Variants in IFNAR2 observed in about 807,000 individuals in gnomAD.
IFNAR2 encodes interferon alpha/beta receptor 2.
A neutral mutation model predicts 49.4 loss-of-function variants in IFNAR2; 30 were observed. The observed-to-expected ratio is 0.61, with a 90% confidence interval of 0.45 to 0.82. The LOEUF (loss-of-function observed/expected upper bound fraction) is 0.82. IFNAR2 is among the 40% of genes least tolerant of loss of function. The pLI is 0.00. For synonymous variants in IFNAR2, 224 were observed against 234.5 expected, an observed-to-expected ratio of 0.96 and a Z score of 0.41; for missense variants, 600 against 622.7, an observed-to-expected ratio of 0.96 and a Z score of 0.39.
intron 7 of IFNAR2, among the ~76,000 whole-genome samples, chr21:33,253,682 G>A (rs1258467180): frequency 6.6e-6 from 1 of 152,196 alleles, no homozygotes; most frequent in Non-Finnish European, 1.5e-5. Flanking sequence ...AGGGCTGCTG[G>A]TTGCCCATTT....
intron 8 of IFNAR2, among the ~76,000 whole-genome samples, chr21:33,261,745 A>G (rs1055831215): frequency 6.6e-6 from 1 of 152,224 alleles, no homozygotes; most frequent in South Asian, 2.1e-4. Flanking sequence ...GCATGCTGGC[A>G]CATGCCTGTG....
intron 2 of IFNAR2, among the ~76,000 whole-genome samples, chr21:33,242,886 T>C (rs1444136352): frequency 6.7e-6 from 1 of 149,270 alleles, no homozygotes; most frequent in Non-Finnish European, 1.5e-5. Flanking sequence ...CCTCCTGGGT[T>C]CAAGCGATTC....
In IFNAR2 at chr21:33,263,402, C is replaced by T. The variant is rs758207930; in HGVS notation, c.1450C>T (p.Pro484Ser). 8.7e-6 allele frequency: 14 copies of T among 1,613,980 alleles called. No individual in the cohort carries two copies. The Admixed American group carries it at 1.8e-4, about 21-fold the overall frequency. ...GEGTQPTFPS[P>S]SSEGLWSEDA... ...AGGGACACAGCCAACCTTTCCCAGC[C>T]CCTCTTCAGAGGGCCTGTGGTCCGA... The change falls in exon 9 of 9, where the codon CCC becomes TCC. Residue 484 changes from proline (P) to serine (S), a missense_variant. Transcript: ENST00000342136.
chr21:33,255,496 A>G (rs1988149417), intron 7 of IFNAR2, among the ~76,000 whole-genome samples: 1 of 152,236 alleles, frequency 6.6e-6, no homozygotes, highest in Admixed American at 6.5e-5. Context: ...GCTTATGATT[A>G]CCATTTTATT....
chr21:33,262,172 C>T (rs1172813256), intron 8 of IFNAR2, among the ~76,000 whole-genome samples: 1 of 152,070 alleles, frequency 6.6e-6, no homozygotes, highest in Non-Finnish European at 1.5e-5. Context: ...CAAGACCAGC[C>T]TGGCCAACAT....
rs745553126 is a variant in IFNAR2 at position 33,262,766 on chromosome 21, C to G, written c.841-27C>G. On this transcript the variant is annotated intron_variant, in intron 8 of 8. Coordinates refer to ENST00000342136, the MANE Select transcript of IFNAR2 (RefSeq NM_001289125.3). The stretch of plus-strand genomic sequence containing the variant: ...GCAAACAGTACAGCTGATACGGACT[C>G]TCTCTCTCTTTTTTTTTTTTTTTAA... 5 of 1,567,400 alleles carry G rather than the reference C, an allele frequency of 3.2e-6. No homozygotes were observed. In the East Asian group the frequency reaches 6.8e-5, roughly 21 times the overall value.
At chr21:33,247,223 C>T (rs1987489812) in intron 5 of IFNAR2, among the ~76,000 whole-genome samples, 1 of 145,466 alleles carries the variant, frequency 6.9e-6, no homozygotes, top group Non-Finnish European at 1.5e-5. Flanking sequence ...ATCTCTCTGG[C>T]CCAGGATTTT....
chr21:33,253,670 C>T (rs1025614381), intron 7 of IFNAR2, among the ~76,000 whole-genome samples: 6 of 152,144 alleles, frequency 3.9e-5, no homozygotes, highest in Non-Finnish European at 8.8e-5. Context: ...AGAGCAGCCC[C>T]GAGGGCTGCT....
At chr21:33,248,355 AAGAG>A (rs1397279863) in intron 5 of IFNAR2, among the ~76,000 whole-genome samples, 1 of 132,882 alleles carries the variant, frequency 7.5e-6, no homozygotes, top group South Asian at 2.9e-4. Flanking sequence ...TTAAAAAAGA[AAGAG>A]AGAAAGAAAG....
At chr21:33,240,917 A>G (rs1986873983) in intron 1 of IFNAR2, among the ~76,000 whole-genome samples, 1 of 152,216 alleles carries the variant, frequency 6.6e-6, no homozygotes, top group South Asian at 2.1e-4. Flanking sequence ...GGAGGCCATT[A>G]TCTTAAGAGA....
At position 33,230,562 on chromosome 21, in the gene IFNAR2, G is replaced by A. The variant is rs1346755532; in HGVS notation, c.-84+346G>A. On this transcript the variant is annotated intron_variant, in intron 1 of 8. Coordinates refer to ENST00000342136, the MANE Select transcript of IFNAR2 (RefSeq NM_001289125.3). The surrounding 1 kb of genome is among the most constrained non-coding windows in gnomAD (Gnocchi z 5.5). Reference sequence around the variant, plus strand: ...GGGCATTTGCCACTGCAAGATGTGAGTCGTTGCTAAGTTTGAGGGTCACAT... The same window carrying A: ...GGGCATTTGCCACTGCAAGATGTGAATCGTTGCTAAGTTTGAGGGTCACAT... 1 of 471,016 alleles carries A rather than the reference G, an allele frequency of 2.1e-6. No homozygotes were observed. 29.2% of individuals were successfully genotyped at this position (471,016 alleles called of 1,614,324 possible).
intron 7 of IFNAR2, among the ~76,000 whole-genome samples, chr21:33,256,924 C>A (rs1011926298): frequency 6.6e-6 from 1 of 152,146 alleles, no homozygotes; most frequent in Non-Finnish European, 1.5e-5. Context: ...GAGCAGGTTG[C>A]TGTTTTTAAT....
At position 33,239,478 on chromosome 21, in the gene IFNAR2, C is replaced by G. The variant is rs571154496; in HGVS notation, c.-83-2362C>G. Reference sequence around the variant, plus strand: ...TTGTGAGCTACAGGTTCTATACCCTCCCTTCTGCAGGCCCAGAATGGTAAC... The same window carrying G: ...TTGTGAGCTACAGGTTCTATACCCTGCCTTCTGCAGGCCCAGAATGGTAAC... On this transcript the variant is annotated intron_variant, in intron 1 of 8. Transcript: ENST00000342136. Among the ~76,000 whole-genome samples the G allele has an allele frequency of 3.4e-3, 520 of 152,296 alleles. 9 individuals are homozygous for G. Among genetic ancestry groups the G allele is most frequent in the African/African-American group, 0.012 (489 of 41,552 alleles).
At chr21:33,251,761 C>T (rs1987851810) in intron 6 of IFNAR2, 2 of 985,002 alleles carry the variant, frequency 2.0e-6, no homozygotes, top group South Asian at 4.7e-5. Context: ...AAGTGAAATG[C>T]AACTACAGGA....
chr21:33,253,192 A>G (rs1987981508), intron 7 of IFNAR2, among the ~76,000 whole-genome samples: 1 of 152,196 alleles, frequency 6.6e-6, no homozygotes, highest in Non-Finnish European at 1.5e-5. Flanking sequence ...CAGTGGCATT[A>G]AGGGGTGAAA....
intron 5 of IFNAR2, among the ~76,000 whole-genome samples, chr21:33,248,378 G>T (rs1305187937): frequency 5.3e-5 from 6 of 113,392 alleles, no homozygotes; most frequent in South Asian, 3.5e-4. Context: ...AGAAAGTTAG[G>T]GGGGAGGGAG....
chr21:33,253,594 G>A lies in IFNAR2; in HGVS notation c.709+764G>A, dbSNP rs536546984. Among the ~76,000 whole-genome samples, 3 of 152,270 alleles carry A rather than the reference G, an allele frequency of 2.0e-5. No individual in the cohort carries two copies. In the South Asian group the frequency reaches 6.2e-4, roughly 32 times the overall value. ...TCTTGCGCAAGAAAGAATTCAGAGC[G>A]AGTCCGTAAAGTGAAAGCAAGTTTA... On this transcript the variant is annotated intron_variant, in intron 7 of 8. Coordinates refer to ENST00000342136, the MANE Select transcript of IFNAR2 (RefSeq NM_001289125.3).
At chr21:33,237,711 T>C (rs746019847) in intron 1 of IFNAR2, among the ~76,000 whole-genome samples, 11 of 152,230 alleles carry the variant, frequency 7.2e-5, no homozygotes, top group Non-Finnish European at 1.6e-4. Flanking sequence ...CAGGCAGTCG[T>C]GCTTGGATAT....
chr21:33,261,792 C>T (rs1988585336), intron 8 of IFNAR2, among the ~76,000 whole-genome samples: 1 of 152,136 alleles, frequency 6.6e-6, no homozygotes, highest in Non-Finnish European at 1.5e-5. Context: ...GAGAGGATTG[C>T]TTGAGCCCAG....
Sources: allele counts gnomAD v4.1 joint callset (sites outside exome capture counted in the v4.1 genomes callset), GRCh38; gene constraint gnomAD v4.1.1; non-coding constraint Gnocchi (gnomAD v3.1); transcripts MANE v1.5; gene names NCBI Gene and HGNC (gene_info 2026-07-23, HGNC 2026-07-21).